The following LARP4 variants were observed in gnomAD, a reference collection of about 807,000 sequenced individuals.
The protein encoded by LARP4 is la-related protein 4.
Under a neutral mutation model 92.9 loss-of-function variants are expected in LARP4, and 29 were observed. The observed-to-expected ratio is 0.31, with a 90% CI of 0.23 to 0.43. The LOEUF (loss-of-function observed/expected upper bound fraction) is 0.43, where lower values mean the gene tolerates loss of function less well. Among genes scored for constraint, LARP4 ranks in the 20% least tolerant of loss-of-function variants. LARP4 has a pLI of 1.00. For synonymous variants in LARP4, 279 were observed against 284.1 expected, an observed-to-expected ratio of 0.98 and a Z score of 0.18; for missense variants, 732 against 860.0, an observed-to-expected ratio of 0.85 and a Z score of 1.86.
intron 11 of LARP4, among the ~76,000 whole-genome samples, chr12:50,462,346 A>C (rs1593367168): frequency 1.3e-5 from 2 of 152,150 alleles, no homozygotes; most frequent in South Asian, 4.2e-4. Context: ...TGGGTGTGGC[A>C]ACACGTGCCT....
At chr12:50,405,301 C>G (rs1944609018) in intron 1 of LARP4, among the ~76,000 whole-genome samples, 1 of 152,098 alleles carries the variant, frequency 6.6e-6, no homozygotes, top group African/African-American at 2.4e-5. Flanking sequence ...CATGACCTGC[C>G]ATGAATTCTT....
intron 1 of LARP4, among the ~76,000 whole-genome samples, chr12:50,408,284 G>A (rs1222345378): frequency 4.7e-5 from 6 of 126,772 alleles, no homozygotes; most frequent in African/African-American, 1.7e-4. Context: ...TGCAACCTCC[G>A]CCTCCCGGGT....
intron 3 of LARP4, 23 bp from the exon 4 acceptor site, chr12:50,430,472 T>C (rs1156812226): frequency 3.5e-6 from 5 of 1,443,568 alleles, no homozygotes; most frequent in East Asian, 2.3e-5. Context: ...TAACTTTTTT[T>C]CCCTCTTCTT....
chr12:50,420,736 G>A (rs1160915551), intron 1 of LARP4: 1 of 152,084 alleles, frequency 6.6e-6, no homozygotes, highest in Non-Finnish European at 1.5e-5. Context: ...TTCAGAGAAA[G>A]CACAACTTGA....
chr12:50,468,398 A>G (rs961804441), intron 13 of LARP4, among the ~76,000 whole-genome samples: 8 of 151,342 alleles, frequency 5.3e-5, no homozygotes, highest in African/African-American at 1.9e-4. Context: ...GGTTCACGCC[A>G]TTCTCTTGCC....
At chr12:50,430,709 G>A (rs1040394110) in intron 4 of LARP4, 139 bp downstream of exon 4, 4 of 531,692 alleles carry the variant, frequency 7.5e-6, no homozygotes, top group African/African-American at 3.9e-5. Context: ...TCGCTGGGCT[G>A]GAGTGCAGTG....
chr12:50,446,429 A>AT (rs71083573), intron 8 of LARP4, among the ~76,000 whole-genome samples: 88 of 3,918 alleles, frequency 0.022, 34 homozygotes, highest in Admixed American at 0.025. Context: ...ATATATATAT[A>AT]TTTTTTTTTT....
At chr12:50,443,409 C>T (rs1951538174) in intron 8 of LARP4, among the ~76,000 whole-genome samples, 1 of 151,610 alleles carries the variant, frequency 6.6e-6, no homozygotes. Flanking sequence ...TAGCTGGGAC[C>T]ACAGGTGCAC....
intron 1 of LARP4, among the ~76,000 whole-genome samples, chr12:50,421,448 C>T (rs909108645): frequency 6.6e-6 from 1 of 151,658 alleles, no homozygotes; most frequent in Non-Finnish European, 1.5e-5. Context: ...TCGAGACCAG[C>T]CTGGACAATA....
Position 50,400,964 on chromosome 12 carries a change from A to G in LARP4, c.-47A>G, listed in dbSNP as rs772182892. The G allele has an allele frequency of 1.2e-6, 2 of 1,614,038 alleles. No homozygotes were observed. The highest frequency in any genetic ancestry group is 1.7e-6 in the Non-Finnish European group (2 of 1,179,944). On this transcript the variant is annotated 5_prime_UTR_variant, in exon 1 of 16. Transcript: ENST00000398473. The stretch of plus-strand genomic sequence containing the variant: ...CAATTGGGGCGCGGGCCTGTGAGCC[A>G]GTTGGAGTTGCGGCGGCGGGAACGA...
At chr12:50,456,427 A>C (rs987529273) in intron 10 of LARP4, among the ~76,000 whole-genome samples, 1 of 152,184 alleles carries the variant, frequency 6.6e-6, no homozygotes, top group African/African-American at 2.4e-5. Context: ...CAGCAACCCA[A>C]ATCCTTGTTT....
At position 50,422,920 on chromosome 12, in the gene LARP4, C is replaced by T. The variant is rs374845564; in HGVS notation, c.19-4842C>T. On this transcript the variant is annotated intron_variant, in intron 1 of 15. Coordinates refer to ENST00000398473, the MANE Select transcript of LARP4 (RefSeq NM_052879.5). ...GCAACCTCTGACTCCTGGGTTCAAG[C>T]GATTCTCTTGTCTTAGCCTCCCAAG... Among the ~76,000 whole-genome samples the T allele has an allele frequency of 5.3e-5, 8 of 151,356 alleles. No homozygotes were observed. In the South Asian group the frequency reaches 8.3e-4, roughly 16 times the overall value.
At chr12:50,428,589 G>C (rs1317650140) in intron 2 of LARP4, among the ~76,000 whole-genome samples, 1 of 151,836 alleles carries the variant, frequency 6.6e-6, no homozygotes, top group Non-Finnish European at 1.5e-5. Context: ...TTCGACCTTG[G>C]GCAAATAACT....
rs1955165969 is a variant in LARP4 at position 50,460,436 on chromosome 12, T to A, written c.1122-699T>A. Among the ~76,000 whole-genome samples, 3 of 152,016 alleles carry A rather than the reference T, an allele frequency of 2.0e-5. No homozygotes were observed. The South Asian group carries it at 6.2e-4, about 31-fold the overall frequency. On this transcript the variant is annotated intron_variant, in intron 10 of 15. Transcript: ENST00000398473. Reference sequence around the variant, plus strand: ...TCAAACTCCTGGGCCCAAGCAGTCTTCTGCCTCAGCCTTCCAAGTAGCTGG... The same window carrying A: ...TCAAACTCCTGGGCCCAAGCAGTCTACTGCCTCAGCCTTCCAAGTAGCTGG...
intron 8 of LARP4, among the ~76,000 whole-genome samples, chr12:50,452,780 G>A (rs990004976): frequency 6.6e-6 from 1 of 152,038 alleles, no homozygotes; most frequent in East Asian, 1.9e-4. Flanking sequence ...TTCTGTGAAC[G>A]CTGTTCATAG....
intron 1 of LARP4, among the ~76,000 whole-genome samples, chr12:50,424,530 G>C (rs1243490327): frequency 1.3e-5 from 2 of 151,814 alleles, no homozygotes; most frequent in Admixed American, 1.3e-4. Context: ...AGCTGATTTT[G>C]TATTTTAAGT....
intron 1 of LARP4, chr12:50,415,774 C>T (rs1946672201): frequency 6.6e-6 from 1 of 151,370 alleles, no homozygotes; most frequent in African/African-American, 2.4e-5. Flanking sequence ...CTGTAACCTC[C>T]ACCTCCCAGG....
intron 1 of LARP4, among the ~76,000 whole-genome samples, chr12:50,404,648 C>T (rs1944456776): frequency 1.3e-5 from 2 of 150,208 alleles, no homozygotes. Flanking sequence ...GCAGTCTCAG[C>T]TCACTGCAAC....
At chr12:50,414,384 A>G (rs1033782701) in intron 1 of LARP4, among the ~76,000 whole-genome samples, 3 of 151,796 alleles carry the variant, frequency 2.0e-5, no homozygotes, top group African/African-American at 7.3e-5. Flanking sequence ...GCTTACTGCA[A>G]CCTCCTCCTC....
Sources: gnomAD v4.1 joint callset for allele counts (sites outside exome capture counted in the v4.1 genomes callset) on GRCh38, gnomAD v4.1.1 for gene constraint, MANE v1.5 for transcripts, NCBI Gene and HGNC (gene_info 2026-07-23, HGNC 2026-07-21) for gene names.